USP32: variants seen among roughly 807,000 people sequenced by gnomAD.
The protein encoded by USP32 is ubiquitin carboxyl-terminal hydrolase 32.
USP32 carries 59 observed loss-of-function variants against 204.8 expected under a neutral mutation model. That is an observed-to-expected ratio of 0.29 (90% CI 0.23 to 0.36). The LOEUF (loss-of-function observed/expected upper bound fraction) is 0.36. Ranked by LOEUF, USP32 falls within the 10% of genes least tolerant of loss-of-function variation. The probability of loss-of-function intolerance (pLI) is 1.00; values close to 1 mark genes in which losing one functional copy is unlikely to be tolerated. For missense variants in USP32, 1,160 were observed against 1,946.4 expected (o/e 0.60, Z 7.60); for synonymous variants, 517 against 678.4 (o/e 0.76, Z 3.70).
intron 32 of USP32, among the ~76,000 whole-genome samples, chr17:60,181,029 C>T (rs1365737398): frequency 6.6e-6 from 1 of 151,836 alleles, no homozygotes; most frequent in Non-Finnish European, 1.5e-5. Flanking sequence ...ACCACAGGCA[C>T]ATGCCACCAT....
chr17:60,282,409 A>C (rs1264086614), intron 5 of USP32, among the ~76,000 whole-genome samples: 1 of 152,076 alleles, frequency 6.6e-6, no homozygotes, highest in Non-Finnish European at 1.5e-5. Flanking sequence ...ACTGGAGTGC[A>C]GTGGTGCAAT....
intron 7 of USP32, among the ~76,000 whole-genome samples, chr17:60,267,057 A>G (rs1448684145): frequency 1.3e-5 from 2 of 151,314 alleles, no homozygotes; most frequent in Admixed American, 1.3e-4. Context: ...CCAAAGTGGT[A>G]CGATTACAGG....
chr17:60,335,126 A>C (rs2088485286), intron 2 of USP32, among the ~76,000 whole-genome samples: 1 of 141,996 alleles, frequency 7.0e-6, no homozygotes, highest in South Asian at 2.2e-4. Flanking sequence ...CAGGCGTGCA[A>C]GACACCCAGC....
chr17:60,322,842 A>G (rs1459807534), intron 2 of USP32, among the ~76,000 whole-genome samples: 1 of 152,222 alleles, frequency 6.6e-6, no homozygotes, highest in East Asian at 1.9e-4. Flanking sequence ...CCATATACAT[A>G]TACACCACAT....
intron 2 of USP32, among the ~76,000 whole-genome samples, chr17:60,326,755 T>G (rs1180783851): frequency 6.6e-6 from 1 of 152,122 alleles, no homozygotes; most frequent in African/African-American, 2.4e-5. Flanking sequence ...TATAAAATAT[T>G]CCCCCCAAAG....
chr17:60,189,380 G>A (rs376785313), intron 29 of USP32, among the ~76,000 whole-genome samples: 3 of 152,258 alleles, frequency 2.0e-5, no homozygotes, highest in South Asian at 2.1e-4. Context: ...GTCAGTTACC[G>A]TTACTAACTT....
chr17:60,181,983 G>A (rs2084123863), intron 31 of USP32, among the ~76,000 whole-genome samples: 1 of 152,120 alleles, frequency 6.6e-6, no homozygotes, highest in Non-Finnish European at 1.5e-5. Context: ...ACATTATAGG[G>A]ACTCAGAAAA....
intron 17 of USP32, among the ~76,000 whole-genome samples, chr17:60,213,875 CT>C (rs1301817377): frequency 6.6e-6 from 1 of 151,226 alleles, no homozygotes; most frequent in Non-Finnish European, 1.5e-5. Flanking sequence ...TTATCTTTCT[CT>C]TTTTTAAAAT....
chr17:60,229,622 G>A (rs76938499), intron 12 of USP32, among the ~76,000 whole-genome samples: 3,310 of 152,172 alleles, frequency 0.022, 87 homozygotes, highest in African/African-American at 0.067. Context: ...GAGTAACAGC[G>A]CCACCTTTGA....
At chr17:60,281,776 G>T (rs1311414446) in intron 5 of USP32, among the ~76,000 whole-genome samples, 1 of 152,138 alleles carries the variant, frequency 6.6e-6, no homozygotes, top group African/African-American at 2.4e-5. Flanking sequence ...TATTTTATCA[G>T]TGTTTCTCAA....
intron 1 of USP32, among the ~76,000 whole-genome samples, chr17:60,349,613 A>AT (rs1167677499): frequency 1.4e-5 from 1 of 71,752 alleles, no homozygotes; most frequent in Non-Finnish European, 2.3e-5. Flanking sequence ...ATATATATAT[A>AT]TATATATATA....
At chr17:60,415,946 T>C (rs945769623) in intron 1 of USP32, among the ~76,000 whole-genome samples, 3 of 152,084 alleles carry the variant, frequency 2.0e-5, no homozygotes, top group Admixed American at 2.0e-4. Context: ...TTCAAGCAAT[T>C]CTCCTGCCTC....
chr17:60,303,576 G>C (rs896495056), intron 2 of USP32, among the ~76,000 whole-genome samples: 1 of 151,186 alleles, frequency 6.6e-6, no homozygotes, highest in Non-Finnish European at 1.5e-5. Flanking sequence ...AGTCTCTATA[G>C]CACTTAGGGT....
chr17:60,421,820 C>T, intron 1 of USP32: 1 of 981,744 alleles, frequency 1.0e-6, no homozygotes, highest in Non-Finnish European at 1.2e-6. Flanking sequence ...GGGACTTTCG[C>T]CGACACCCGG....
intron 1 of USP32, among the ~76,000 whole-genome samples, chr17:60,415,002 T>A (rs1254905488): frequency 6.6e-6 from 1 of 151,980 alleles, no homozygotes; most frequent in South Asian, 2.1e-4. Context: ...CAGGAAGAAA[T>A]TTAAAACAAA....
At chr17:60,298,923 G>C (rs534195148) in intron 3 of USP32, among the ~76,000 whole-genome samples, 21 of 152,264 alleles carry the variant, frequency 1.4e-4, no homozygotes, top group Admixed American at 1.1e-3. Context: ...AGCAGTTAGA[G>C]TCCAGCCTGG....
chr17:60,372,010 T>C (rs1355897274), intron 1 of USP32, among the ~76,000 whole-genome samples: 2 of 152,198 alleles, frequency 1.3e-5, no homozygotes, highest in African/African-American at 2.4e-5. Context: ...TTAACAGTTA[T>C]CTAAAATTAC....
chr17:60,192,183 C>T (rs2084401625), intron 28 of USP32, among the ~76,000 whole-genome samples: 2 of 151,742 alleles, frequency 1.3e-5, no homozygotes, highest in Non-Finnish European at 1.5e-5. Context: ...CCCGGCTACT[C>T]GGGAGGCTGA....
intron 27 of USP32, among the ~76,000 whole-genome samples, chr17:60,193,333 G>A (rs2084432622): frequency 6.6e-6 from 1 of 152,192 alleles, no homozygotes. Flanking sequence ...GCAGAAAGCT[G>A]TATATTTAGA....
Sources: gnomAD v4.1 joint callset for allele counts (sites outside exome capture counted in the v4.1 genomes callset) on GRCh38, gnomAD v4.1.1 for gene constraint, MANE v1.5 for transcripts, NCBI Gene and HGNC (gene_info 2026-07-23, HGNC 2026-07-21) for gene names.